Variants in GRM1 observed in about 807,000 individuals in gnomAD.
GRM1 encodes the protein metabotropic glutamate receptor 1.
A neutral mutation model predicts 90.9 loss-of-function variants in GRM1; 33 were observed. That is an observed-to-expected ratio of 0.36 (90% CI 0.28 to 0.49). The LOEUF is 0.49. Among genes scored for constraint, GRM1 ranks in the 20% least tolerant of loss-of-function variants. The probability of loss-of-function intolerance (pLI) is 0.99; values close to 1 mark genes in which losing one functional copy is unlikely to be tolerated. For synonymous variants in GRM1, 700 were observed against 613.2 expected (o/e 1.14, Z -2.09); for missense variants, 1,190 against 1,534.3 (o/e 0.78, Z 3.75).
chr6:146,248,817 T>G (rs887278277), intron 2 of GRM1, among the ~76,000 whole-genome samples: 6 of 152,216 alleles, frequency 3.9e-5, no homozygotes, highest in African/African-American at 1.4e-4. Flanking sequence ...TTGACCAAAA[T>G]GCTGATAGTG....
At chr6:146,277,784 T>A (rs1451929845) in intron 2 of GRM1, among the ~76,000 whole-genome samples, 2 of 152,180 alleles carry the variant, frequency 1.3e-5, no homozygotes. Context: ...GAGGGTGAAT[T>A]GTGCCTGCCT....
chr6:146,273,575 A>G (rs1335668969), intron 2 of GRM1, among the ~76,000 whole-genome samples: 2 of 152,184 alleles, frequency 1.3e-5, no homozygotes, highest in Non-Finnish European at 2.9e-5. Context: ...GTTGATTCTC[A>G]CTCTTACAAG....
intron 1 of GRM1, among the ~76,000 whole-genome samples, chr6:146,036,744 C>A (rs900931217): frequency 6.6e-6 from 1 of 151,752 alleles, no homozygotes; most frequent in Admixed American, 6.6e-5. Flanking sequence ...ATCTAAATAT[C>A]CAGGTAAAAG....
intron 2 of GRM1, among the ~76,000 whole-genome samples, chr6:146,190,959 A>ATAGCTCCT (rs1778916880): frequency 6.6e-6 from 1 of 152,166 alleles, no homozygotes; most frequent in Admixed American, 6.5e-5. Flanking sequence ...AATTGTATTC[A>ATAGCTCCT]TAGCTCCTTA....
intron 2 of GRM1, 39 bp downstream of exon 2, chr6:146,159,636 C>T (rs1470315601): frequency 6.5e-7 from 1 of 1,532,142 alleles, no homozygotes; most frequent in Non-Finnish European, 8.9e-7. Flanking sequence ...CTCTCTCTCT[C>T]TCTCTCACAC....
chr6:146,399,723 T>A lies in GRM1; in HGVS notation c.2660+24T>A. The A allele has an allele frequency of 6.9e-7, 1 of 1,458,566 alleles. No individual in the cohort carries two copies. The highest frequency in any genetic ancestry group is 9.5e-7 in the Non-Finnish European group (1 of 1,053,566). The allele number at this position is 1,458,566 out of a possible 1,614,324, so 90.4% of individuals were successfully genotyped here. On this transcript the variant is annotated intron_variant, in intron 7 of 7. Transcript: ENST00000282753. The surrounding 1 kb of genome is among the most constrained non-coding windows in gnomAD (Gnocchi z 5.4). ...AAGTGAGTTATCTGACCTGTTTGTC[T>A]CTCTTTTCTCTTCCTTTCTCTGTCT...
rs1451709424 is a variant in GRM1 at position 146,378,892 on chromosome 6, G to A, written c.1603-7998G>A. Among the ~76,000 whole-genome samples, 3 of 152,246 alleles carry A rather than the reference G, an allele frequency of 2.0e-5. No individual in the cohort carries two copies. The East Asian group carries it at 5.8e-4, about 30-fold the overall frequency. On this transcript the variant is annotated intron_variant, in intron 5 of 7. Coordinates refer to ENST00000282753, the MANE Select transcript of GRM1 (RefSeq NM_001278064.2). ...TGAAGAAGTGAATGATTTTATAAAGGTGAGTTTCCCTGCACATTCTCTCTC... is the reference window on the plus strand; with the variant it reads ...TGAAGAAGTGAATGATTTTATAAAGATGAGTTTCCCTGCACATTCTCTCTC...
At chr6:146,162,091 A>G (rs559062814) in intron 2 of GRM1, among the ~76,000 whole-genome samples, 1 of 152,308 alleles carries the variant, frequency 6.6e-6, no homozygotes, top group African/African-American at 2.4e-5. Flanking sequence ...TTCTAGCTAC[A>G]TTAGTAATGC....
intron 1 of GRM1, among the ~76,000 whole-genome samples, chr6:146,081,499 G>C (rs79350760): frequency 7.9e-5 from 12 of 152,106 alleles, no homozygotes; most frequent in Non-Finnish European, 1.8e-4. Flanking sequence ...GACATGTCAC[G>C]GCAAGAGTGG....
chr6:146,421,642 T>A (rs1294089037), intron 7 of GRM1, among the ~76,000 whole-genome samples: 1 of 152,166 alleles, frequency 6.6e-6, no homozygotes, highest in African/African-American at 2.4e-5. Flanking sequence ...TTGTCAAATC[T>A]ATGGTGGTAA....
chr6:146,117,836 A>C (rs1180106869), intron 1 of GRM1, among the ~76,000 whole-genome samples: 10 of 152,062 alleles, frequency 6.6e-5, no homozygotes, highest in Admixed American at 5.9e-4. Flanking sequence ...TTTGTTAAAA[A>C]CCAAGAATTT....
chr6:146,081,886 T>G (rs139314023), intron 1 of GRM1, among the ~76,000 whole-genome samples: 1 of 152,230 alleles, frequency 6.6e-6, no homozygotes, highest in East Asian at 1.9e-4. Flanking sequence ...GGCAACAAAA[T>G]AAAAATTATT....
intron 5 of GRM1, among the ~76,000 whole-genome samples, chr6:146,359,721 G>A (rs1775390303): frequency 6.6e-6 from 1 of 152,096 alleles, no homozygotes; most frequent in African/African-American, 2.4e-5. Context: ...AAGGCTGTCC[G>A]CATTTGTCCC....
Position 146,399,549 on chromosome 6 carries a change from T to C in GRM1, c.2510T>C (p.Ile837Thr). ...LGCMFTPKMY[I>T]IIAKPERNVR... is the part of the protein sequence containing the mutation. ...TGCATGTTCACTCCCAAGATGTACA[T>C]CATTATTGCCAAGCCTGAGAGGAAT... is the stretch of plus-strand genomic sequence containing the variant. Residue 837 changes from isoleucine (I) to threonine (T), a missense_variant, in exon 7 of 8, where the codon ATC becomes ACC. Ile to Thr is a moderately conservative substitution (Grantham distance 89). This residue lies in a region of GRM1 where 73 missense variants were observed against 150.6 expected (regional missense o/e 0.48). Coordinates refer to ENST00000282753, the MANE Select transcript of GRM1 (RefSeq NM_001278064.2). This position sits in a 1 kb window ranked among gnomAD's most constrained non-coding sequence, Gnocchi z 5.4. 1.9e-6 allele frequency: 3 copies of C among 1,614,120 alleles called. No homozygotes were observed. The highest frequency in any genetic ancestry group is 2.5e-6 in the Non-Finnish European group (3 of 1,180,006).
chr6:146,178,106 C>A (rs1454457526), intron 2 of GRM1, among the ~76,000 whole-genome samples: 1 of 152,254 alleles, frequency 6.6e-6, no homozygotes, highest in South Asian at 2.1e-4. Flanking sequence ...TTTTTACTTA[C>A]TGTCCATTTT....
chr6:146,431,077 A>G (rs1778389615), intron 7 of GRM1, among the ~76,000 whole-genome samples: 1 of 152,230 alleles, frequency 6.6e-6, no homozygotes, highest in Admixed American at 6.5e-5. Flanking sequence ...TGTCTGTGAG[A>G]TGATACATTC....
intron 5 of GRM1, among the ~76,000 whole-genome samples, chr6:146,359,579 C>T (rs1282592788): frequency 6.6e-6 from 1 of 152,156 alleles, no homozygotes; most frequent in Non-Finnish European, 1.5e-5. Context: ...ATTTGCTGTC[C>T]TCAAGCTCCC....
At chr6:146,411,988 G>T (rs1382946801) in intron 7 of GRM1, among the ~76,000 whole-genome samples, 2 of 152,126 alleles carry the variant, frequency 1.3e-5, no homozygotes, top group Non-Finnish European at 2.9e-5. Context: ...GGTGACCAAT[G>T]GGTTCATTAC....
chr6:146,049,987 A>T (rs1791469102), intron 1 of GRM1, among the ~76,000 whole-genome samples: 1 of 151,994 alleles, frequency 6.6e-6, no homozygotes. Context: ...TTAGTGTCTG[A>T]TTACTACGTA....
Sources: allele counts gnomAD v4.1 joint callset (sites outside exome capture counted in the v4.1 genomes callset), GRCh38; gene constraint gnomAD v4.1.1; regional missense constraint gnomAD v4.1.1; non-coding constraint Gnocchi (gnomAD v3.1); transcripts MANE v1.5; gene names NCBI Gene and HGNC (gene_info 2026-07-23, HGNC 2026-07-21).